The following TEAD1 variants were observed in gnomAD, a reference collection of about 807,000 sequenced individuals.
TEAD1 encodes TEA domain transcription factor 1.
Under a neutral mutation model 54.9 loss-of-function variants are expected in TEAD1, and 9 were observed. That is an observed-to-expected ratio of 0.16 (90% CI 0.10 to 0.29). The LOEUF is 0.29. TEAD1 is among the 10% of genes least tolerant of loss of function. The pLI, the probability that TEAD1 is intolerant of heterozygous loss-of-function variation, is 1.00. For missense variants in TEAD1, 387 were observed against 535.9 expected (o/e 0.72, Z 2.74); for synonymous variants, 200 against 187.8 (o/e 1.07, Z -0.53).
intron 2 of TEAD1, among the ~76,000 whole-genome samples, chr11:12,697,086 TC>T (rs1167017200): frequency 6.6e-6 from 1 of 152,078 alleles, no homozygotes. Flanking sequence ...ACTGAAGAGT[TC>T]TGGTTGGCTG....
At chr11:12,879,413 C>G in intron 5 of TEAD1, 1 of 593,284 alleles carries the variant, frequency 1.7e-6, no homozygotes. Context: ...TGGAAGCTGA[C>G]AAGCTAAATA....
At chr11:12,754,250 G>T (rs1001835099) in intron 2 of TEAD1, among the ~76,000 whole-genome samples, 1 of 152,152 alleles carries the variant, frequency 6.6e-6, no homozygotes, top group Non-Finnish European at 1.5e-5. Flanking sequence ...GTTTTATGTT[G>T]TCTCACTTTT....
intron 2 of TEAD1, among the ~76,000 whole-genome samples, chr11:12,707,058 A>T (rs982674460): frequency 6.8e-6 from 1 of 146,246 alleles, no homozygotes; most frequent in African/African-American, 2.5e-5. Flanking sequence ...CTCCAAATTG[A>T]TGGCCAGTTG....
At chr11:12,726,041 A>G (rs1944304189) in intron 2 of TEAD1, among the ~76,000 whole-genome samples, 1 of 152,182 alleles carries the variant, frequency 6.6e-6, no homozygotes, top group Admixed American at 6.5e-5. Flanking sequence ...GCTGGGAGAT[A>G]AGGCTTAGGC....
At chr11:12,919,497 A>G (rs1281298126) in intron 10 of TEAD1, among the ~76,000 whole-genome samples, 2 of 152,060 alleles carry the variant, frequency 1.3e-5, no homozygotes, top group Non-Finnish European at 2.9e-5. Flanking sequence ...AATTTTTTTA[A>G]TTACTTTTTT....
chr11:12,778,529 C>CTTTTT (rs775536398), intron 3 of TEAD1, among the ~76,000 whole-genome samples: 2 of 125,802 alleles, frequency 1.6e-5, no homozygotes, highest in South Asian at 5.2e-4. Context: ...TCATCAGACT[C>CTTTTT]TTTTTTTTTT....
chr11:12,868,322 T>C (rs1488802058), intron 5 of TEAD1, among the ~76,000 whole-genome samples: 1 of 152,202 alleles, frequency 6.6e-6, no homozygotes, highest in East Asian at 1.9e-4. Context: ...AAAAGCCCCC[T>C]GTTTTAGGCA....
chr11:12,887,370 C>T (rs536809460), intron 9 of TEAD1, among the ~76,000 whole-genome samples: 1 of 152,244 alleles, frequency 6.6e-6, no homozygotes, highest in African/African-American at 2.4e-5. Context: ...GCTGGGATTA[C>T]AGGCGTGAAC....
intron 2 of TEAD1, among the ~76,000 whole-genome samples, chr11:12,693,095 T>C (rs1943497004): frequency 6.6e-6 from 1 of 152,206 alleles, no homozygotes; most frequent in Non-Finnish European, 1.5e-5. Context: ...TTTTTTCTAG[T>C]GGGGACCTCT....
At chr11:12,720,253 TACTC>T (rs1944164456) in intron 2 of TEAD1, among the ~76,000 whole-genome samples, 1 of 152,144 alleles carries the variant, frequency 6.6e-6, no homozygotes, top group Non-Finnish European at 1.5e-5. Flanking sequence ...AATAGGCACT[TACTC>T]TGACTATTAA....
At chr11:12,928,237 C>G (rs1223794711) in intron 11 of TEAD1, among the ~76,000 whole-genome samples, 1 of 151,542 alleles carries the variant, frequency 6.6e-6, no homozygotes. Context: ...ACAGAATTTT[C>G]ACATTACATT....
intron 2 of TEAD1, among the ~76,000 whole-genome samples, chr11:12,720,997 A>G (rs1944184070): frequency 6.6e-6 from 1 of 152,002 alleles, no homozygotes; most frequent in East Asian, 1.9e-4. Context: ...TTTCCTTTGG[A>G]CCTTGTATTC....
chr11:12,907,617 CTT>C (rs962146928), intron 10 of TEAD1, among the ~76,000 whole-genome samples: 5 of 152,176 alleles, frequency 3.3e-5, no homozygotes, highest in Admixed American at 6.5e-5. Flanking sequence ...AGGTTCCTCT[CTT>C]TTTCAGCAGT....
In TEAD1 at chr11:12,930,099, T is replaced by C. The variant is rs545210806; in HGVS notation, c.1015-75T>C. ...TCATGTTGAAAAACTAAAATGCTTTTATGGGCAGTAATATCTGTTTCATGT... is the reference window on the plus strand; with the variant it reads ...TCATGTTGAAAAACTAAAATGCTTTCATGGGCAGTAATATCTGTTTCATGT... On this transcript the variant is annotated intron_variant, in intron 11 of 12. Transcript: ENST00000527636. 3.2e-6 allele frequency: 5 copies of C among 1,574,796 alleles called. No homozygotes were observed. In the South Asian group the frequency reaches 4.4e-5, roughly 14 times the overall value.
intron 3 of TEAD1, among the ~76,000 whole-genome samples, chr11:12,839,625 A>C (rs186166634): frequency 9.9e-5 from 15 of 152,230 alleles, no homozygotes; most frequent in African/African-American, 1.4e-4. Context: ...AGTAGTAGAG[A>C]TGTTGGTTGG....
At chr11:12,712,570 T>C (rs1477979434) in intron 2 of TEAD1, among the ~76,000 whole-genome samples, 1 of 152,190 alleles carries the variant, frequency 6.6e-6, no homozygotes, top group African/African-American at 2.4e-5. Context: ...AAATAATGCA[T>C]GTGAAGTGCT....
At chr11:12,758,574 C>G (rs1012089089) in intron 2 of TEAD1, among the ~76,000 whole-genome samples, 2 of 152,064 alleles carry the variant, frequency 1.3e-5, no homozygotes, top group African/African-American at 4.8e-5. Flanking sequence ...CCACGCCTGG[C>G]TAATTTTGTT....
At chr11:12,721,805 A>G (rs1299182218) in intron 2 of TEAD1, among the ~76,000 whole-genome samples, 1 of 152,222 alleles carries the variant, frequency 6.6e-6, no homozygotes, top group Non-Finnish European at 1.5e-5. Context: ...GCTTCTAAAT[A>G]TACCCACTCC....
At chr11:12,919,942 G>A (rs988221088) in intron 10 of TEAD1, among the ~76,000 whole-genome samples, 1 of 152,086 alleles carries the variant, frequency 6.6e-6, no homozygotes, top group African/African-American at 2.4e-5. Context: ...CTCATTTCAG[G>A]TGCAGTCTGA....
Sources: gnomAD v4.1 joint callset for allele counts (sites outside exome capture counted in the v4.1 genomes callset) on GRCh38, gnomAD v4.1.1 for gene constraint, MANE v1.5 for transcripts, NCBI Gene and HGNC (gene_info 2026-07-23, HGNC 2026-07-21) for gene names.